Variants in IGF2BP3 observed in about 807,000 individuals in gnomAD.
IGF2BP3 encodes insulin-like growth factor 2 mRNA-binding protein 3.
A neutral mutation model predicts 73.8 loss-of-function variants in IGF2BP3; 9 were observed. The observed-to-expected ratio is 0.12, with a 90% confidence interval of 0.07 to 0.21. The LOEUF (loss-of-function observed/expected upper bound fraction) is 0.21, where lower values mean the gene tolerates loss of function less well. Among genes scored for constraint, IGF2BP3 ranks in the 10% least tolerant of loss-of-function variants. IGF2BP3 has a pLI of 1.00. For synonymous variants in IGF2BP3, 258 were observed against 256.7 expected (o/e 1.01, Z -0.05); for missense variants, 542 against 714.0 (o/e 0.76, Z 2.75).
chr7:23,327,777 T>G (rs1410382807), intron 10 of IGF2BP3, among the ~76,000 whole-genome samples: 1 of 152,024 alleles, frequency 6.6e-6, no homozygotes, highest in African/African-American at 2.4e-5. Flanking sequence ...CCAAATGACA[T>G]CACTCTTCCC....
chr7:23,347,725 G>A lies in IGF2BP3; in HGVS notation c.693C>T (p.Val231=). Reference sequence around the variant, plus strand: ...CAGCCCCCGCATTTTCTTTACGGTGGACATCGATTCTGATAGTGGGCGCAA... The same window carrying A: ...CAGCCCCCGCATTTTCTTTACGGTGAACATCGATTCTGATAGTGGGCGCAA... The part of the protein sequence containing the change: ...ITKQTQSKID[V]HRKENAGAAE... Residue 231 remains valine, a synonymous_variant, in exon 7 of 15, where the codon GTC becomes GTT. Transcript: ENST00000258729. 1.9e-6 allele frequency: 3 copies of A among 1,614,058 alleles called. No individual in the cohort carries two copies. Among genetic ancestry groups the A allele is most frequent in the Non-Finnish European group, 2.5e-6 (3 of 1,180,018 alleles).
At chr7:23,328,371 G>A (rs1037052898) in intron 10 of IGF2BP3, among the ~76,000 whole-genome samples, 1 of 152,092 alleles carries the variant, frequency 6.6e-6, no homozygotes, top group African/African-American at 2.4e-5. Flanking sequence ...ACCATGCCCA[G>A]CTAACTTTTG....
At chr7:23,356,975 C>A (rs931558752) in intron 5 of IGF2BP3, among the ~76,000 whole-genome samples, 1 of 152,120 alleles carries the variant, frequency 6.6e-6, no homozygotes, top group Admixed American at 6.5e-5. Context: ...ATGAAAAACC[C>A]ACAAAACTCT....
chr7:23,328,938 G>A (rs1442305227), intron 10 of IGF2BP3, among the ~76,000 whole-genome samples: 2 of 152,114 alleles, frequency 1.3e-5, no homozygotes, highest in African/African-American at 4.8e-5. Flanking sequence ...AGCCGGGCGC[G>A]GTGGCTCATG....
chr7:23,386,661 C>G (rs893137007), intron 3 of IGF2BP3, among the ~76,000 whole-genome samples: 2 of 152,182 alleles, frequency 1.3e-5, no homozygotes, highest in Non-Finnish European at 2.9e-5. Context: ...ACGGTCCACC[C>G]TCAAGGAGAT....
intron 3 of IGF2BP3, among the ~76,000 whole-genome samples, chr7:23,388,450 A>G (rs1425024002): frequency 6.6e-6 from 1 of 152,184 alleles, no homozygotes; most frequent in Non-Finnish European, 1.5e-5. Flanking sequence ...CAAAAGCAGT[A>G]CTCTAAACAG....
intron 3 of IGF2BP3, among the ~76,000 whole-genome samples, chr7:23,370,440 G>A (rs576272903): frequency 7.2e-5 from 11 of 152,138 alleles, no homozygotes; most frequent in South Asian, 2.1e-4. Flanking sequence ...CAACAATGTC[G>A]GGCATTATAG....
chr7:23,398,840 T>G (rs1786566740), intron 3 of IGF2BP3, among the ~76,000 whole-genome samples: 1 of 152,180 alleles, frequency 6.6e-6, no homozygotes, highest in Non-Finnish European at 1.5e-5. Context: ...TTGCAAAAAT[T>G]TTCTCCCATT....
intron 2 of IGF2BP3, among the ~76,000 whole-genome samples, chr7:23,459,597 C>T (rs1788397093): frequency 6.6e-6 from 1 of 152,062 alleles, no homozygotes; most frequent in Non-Finnish European, 1.5e-5. Flanking sequence ...CTTTGGGAGG[C>T]CGAGGTGGGC....
chr7:23,347,301 G>A (rs929323519), intron 7 of IGF2BP3, among the ~76,000 whole-genome samples: 5 of 152,144 alleles, frequency 3.3e-5, no homozygotes, highest in African/African-American at 1.2e-4. Flanking sequence ...AAGATTTGGG[G>A]CTCCTGTTTT....
At chr7:23,328,165 T>A (rs1784353897) in intron 10 of IGF2BP3, among the ~76,000 whole-genome samples, 1 of 152,216 alleles carries the variant, frequency 6.6e-6, no homozygotes, top group South Asian at 2.1e-4. Context: ...AAATCTCAAC[T>A]ACTATCATCT....
chr7:23,349,299 C>A (rs1784904391), intron 6 of IGF2BP3, among the ~76,000 whole-genome samples: 1 of 152,094 alleles, frequency 6.6e-6, no homozygotes, highest in African/African-American at 2.4e-5. Context: ...ATTTGGCTTT[C>A]ATTTTCCTAA....
chr7:23,387,216 A>T (rs570180439), intron 3 of IGF2BP3, among the ~76,000 whole-genome samples: 1 of 152,214 alleles, frequency 6.6e-6, no homozygotes, highest in Admixed American at 6.5e-5. Context: ...CCTCCTAGAA[A>T]GTCCATAAAC....
At position 23,444,323 on chromosome 7, in the gene IGF2BP3, T is replaced by C. The variant is rs145176113; in HGVS notation, c.236+24159A>G. Among the ~76,000 whole-genome samples the C allele has an allele frequency of 2.4e-3, 362 of 152,350 alleles. 1 individual carries two copies. The highest frequency in any genetic ancestry group is 8.2e-3 in the African/African-American group (339 of 41,588). ...GACAAGATGTTTAAATAGGTTATAA[T>C]GTATTATTGACCTACATATGGGTGA... On this transcript the variant is annotated intron_variant, in intron 2 of 14. Transcript: ENST00000258729.
chr7:23,417,009 T>C (rs1019568589), intron 3 of IGF2BP3, among the ~76,000 whole-genome samples: 2 of 152,048 alleles, frequency 1.3e-5, no homozygotes, highest in Non-Finnish European at 2.9e-5. Context: ...TCAGCCAAGA[T>C]TGCACCATTC....
chr7:23,440,075 A>G (rs1420724079), intron 2 of IGF2BP3, among the ~76,000 whole-genome samples: 2 of 152,106 alleles, frequency 1.3e-5, no homozygotes, highest in Non-Finnish European at 2.9e-5. Flanking sequence ...CATCCTGGCT[A>G]ATACGGTGAA....
intron 10 of IGF2BP3, among the ~76,000 whole-genome samples, chr7:23,321,808 G>A (rs970641094): frequency 6.6e-6 from 1 of 152,170 alleles, no homozygotes; most frequent in Non-Finnish European, 1.5e-5. Flanking sequence ...CCCCAGCAGG[G>A]GCACACTGAC....
intron 5 of IGF2BP3, among the ~76,000 whole-genome samples, chr7:23,357,529 T>C (rs1785125645): frequency 6.6e-6 from 1 of 152,214 alleles, no homozygotes; most frequent in African/African-American, 2.4e-5. Flanking sequence ...TTGTCACACA[T>C]GACAAATCCT....
At chr7:23,379,178 T>C (rs1178765442) in intron 3 of IGF2BP3, among the ~76,000 whole-genome samples, 1 of 152,196 alleles carries the variant, frequency 6.6e-6, no homozygotes, top group African/African-American at 2.4e-5. Flanking sequence ...TCTTTGAAAT[T>C]TTTTCCTTTT....
Sources: allele counts gnomAD v4.1 joint callset (sites outside exome capture counted in the v4.1 genomes callset), GRCh38; gene constraint gnomAD v4.1.1; transcripts MANE v1.5; gene names NCBI Gene and HGNC (gene_info 2026-07-23, HGNC 2026-07-21).